The following PDE4D variants were observed in gnomAD, a reference collection of about 807,000 sequenced individuals.
PDE4D encodes the protein 3',5'-cyclic-AMP phosphodiesterase 4D.
Under a neutral mutation model 87.4 loss-of-function variants are expected in PDE4D, and 24 were observed. That is an observed-to-expected ratio of 0.27 (90% CI 0.20 to 0.39). PDE4D has a LOEUF of 0.39. Ranked by LOEUF, PDE4D falls within the 10% of genes least tolerant of loss-of-function variation. PDE4D has a pLI of 1.00. For missense variants in PDE4D, 714 were observed against 1,041.0 expected, an observed-to-expected ratio of 0.69 and a Z score of 4.32; for synonymous variants, 384 against 383.2, an observed-to-expected ratio of 1.00 and a Z score of -0.02.
chr5:59,900,016 G>T (rs936678520), intron 3 of PDE4D, among the ~76,000 whole-genome samples: 2 of 152,056 alleles, frequency 1.3e-5, no homozygotes, highest in African/African-American at 4.8e-5. Context: ...AAGGTGGGCG[G>T]ATCACTTGAT....
chr5:59,441,550 G>C (rs903130823), intron 1 of PDE4D, among the ~76,000 whole-genome samples: 3 of 152,162 alleles, frequency 2.0e-5, no homozygotes, highest in Non-Finnish European at 4.4e-5. Flanking sequence ...CTTCTGGACT[G>C]ATTGCTCCTT....
chr5:58,975,636 G>A lies in PDE4D; in HGVS notation c.2013+21C>T, dbSNP rs1743525430. On this transcript the variant is annotated intron_variant, in intron 14 of 14. Transcript: ENST00000340635. The surrounding 1 kb of genome is among the most constrained non-coding windows in gnomAD (Gnocchi z 4.2). Reference sequence around the variant, plus strand: ...AGCGGTAGCTCTGTTCTCTCTGAAAGCTATACACTTCATGCATTACCTGTG... The same window carrying A: ...AGCGGTAGCTCTGTTCTCTCTGAAAACTATACACTTCATGCATTACCTGTG... 1.9e-6 allele frequency: 3 copies of A among 1,547,742 alleles called. No homozygotes were observed. The highest frequency in any genetic ancestry group is 1.4e-5 in the African/African-American group (1 of 72,998).
chr5:59,056,329 T>A (rs1346535344), intron 5 of PDE4D, among the ~76,000 whole-genome samples: 1 of 152,118 alleles, frequency 6.6e-6, no homozygotes, highest in Non-Finnish European at 1.5e-5. Context: ...CTACAACCAC[T>A]GGAGCAAAGG....
rs141577390 is a variant in PDE4D at position 59,281,605 on chromosome 5, T to C, written c.456-65637A>G. Among the ~76,000 whole-genome samples the C allele has an allele frequency of 7.9e-5, 12 of 152,266 alleles. No homozygotes were observed. In the East Asian group the frequency reaches 1.9e-3, roughly 25 times the overall value. Reference sequence around the variant, plus strand: ...TTTTAACCCTTTCTAAGTATACTGATCAGTGGTGTAATGTATATTCCCCCT... The same window carrying C: ...TTTTAACCCTTTCTAAGTATACTGACCAGTGGTGTAATGTATATTCCCCCT... On this transcript the variant is annotated intron_variant, in intron 1 of 14. Transcript: ENST00000340635.
intron 1 of PDE4D, among the ~76,000 whole-genome samples, chr5:59,435,989 C>G (rs1008463407): frequency 6.6e-6 from 1 of 152,086 alleles, no homozygotes; most frequent in Admixed American, 6.6e-5. Flanking sequence ...CCTGGGCTAT[C>G]AGTTTCAGTT....
intron 1 of PDE4D, among the ~76,000 whole-genome samples, chr5:60,456,332 C>T (rs994006251): frequency 1.3e-5 from 2 of 152,200 alleles, no homozygotes; most frequent in Admixed American, 6.5e-5. Context: ...GCAAGTGACA[C>T]GAGGCAAGAG....
Position 59,762,854 on chromosome 5 carries a change from GATATATATAT to G in PDE4D, c.455+130304_455+130313del, listed in dbSNP as rs35979900. Among the ~76,000 whole-genome samples, 127 of 51,694 alleles carry G rather than the reference GATATATATAT, an allele frequency of 2.5e-3. 1 individual carries two copies. Among genetic ancestry groups the G allele is most frequent in the East Asian group, 0.011 (20 of 1,888 alleles). 33.9% of individuals were successfully genotyped at this position (51,694 alleles called of 152,430 possible). A position where few individuals can be genotyped will look rare whatever the true frequency, so the allele number is the denominator to read the frequency against. On this transcript the variant is annotated intron_variant, in intron 1 of 14. Coordinates refer to ENST00000340635, the MANE Select transcript of PDE4D (RefSeq NM_001104631.2). Reference sequence around the variant, plus strand: ...ACTAAAAAAGAGCAAACTGCTTAAGGATATATATATATATATATATATATATATATATATA... The same window carrying G: ...ACTAAAAAAGAGCAAACTGCTTAAGGATATATATATATATATATATATATA...
At chr5:59,777,305 A>T (rs1292436338) in intron 1 of PDE4D, among the ~76,000 whole-genome samples, 1 of 152,186 alleles carries the variant, frequency 6.6e-6, no homozygotes, top group African/African-American at 2.4e-5. Flanking sequence ...AATGTAAAAG[A>T]CATAACCTTA....
At chr5:59,189,255 T>G (rs1240665970) in intron 3 of PDE4D, among the ~76,000 whole-genome samples, 3 of 130,996 alleles carry the variant, frequency 2.3e-5, no homozygotes, top group Non-Finnish European at 3.4e-5. Flanking sequence ...TTTTTTTTGT[T>G]TTTTTTTTTT....
At chr5:59,114,669 G>A (rs972419640) in intron 5 of PDE4D, among the ~76,000 whole-genome samples, 1 of 152,040 alleles carries the variant, frequency 6.6e-6, no homozygotes, top group African/African-American at 2.4e-5. Flanking sequence ...AAGGAAGGGT[G>A]GGGGGAAAGG....
intron 5 of PDE4D, among the ~76,000 whole-genome samples, chr5:59,134,946 G>A (rs953216465): frequency 5.3e-5 from 8 of 152,136 alleles, no homozygotes; most frequent in East Asian, 1.9e-4. Context: ...CTGAGTTGGC[G>A]CCTCACAGGT....
chr5:60,208,663 G>A (rs1371675841), intron 1 of PDE4D, among the ~76,000 whole-genome samples: 1 of 152,156 alleles, frequency 6.6e-6, no homozygotes, highest in Non-Finnish European at 1.5e-5. Context: ...CCCAGCCTCA[G>A]AATCCTGTCT....
chr5:59,387,678 A>C (rs1429984737), intron 1 of PDE4D, among the ~76,000 whole-genome samples: 1 of 152,132 alleles, frequency 6.6e-6, no homozygotes, highest in African/African-American at 2.4e-5. Context: ...TTGACAAATA[A>C]GAATGTATAT....
chr5:60,128,554 A>T (rs1232716250), intron 2 of PDE4D, among the ~76,000 whole-genome samples: 1 of 152,250 alleles, frequency 6.6e-6, no homozygotes, highest in Admixed American at 6.5e-5. Flanking sequence ...ACAGGTGCAT[A>T]GGAAGAAACC....
chr5:59,821,049 T>C (rs1769585555), intron 1 of PDE4D, among the ~76,000 whole-genome samples: 1 of 152,106 alleles, frequency 6.6e-6, no homozygotes, highest in Non-Finnish European at 1.5e-5. Context: ...CTGGCCAACA[T>C]GGTGAAACCC....
chr5:59,374,458 A>G (rs1784402165), intron 1 of PDE4D, among the ~76,000 whole-genome samples: 1 of 152,194 alleles, frequency 6.6e-6, no homozygotes, highest in Admixed American at 6.5e-5. Flanking sequence ...AAAGGGTTCA[A>G]TTCAACAAGA....
intron 1 of PDE4D, among the ~76,000 whole-genome samples, chr5:59,687,034 A>T (rs990685363): frequency 7.2e-5 from 11 of 152,160 alleles, no homozygotes; most frequent in African/African-American, 2.7e-4. Context: ...AGAAGCAGCT[A>T]AGAGAGAAAT....
At chr5:60,279,576 G>A (rs1460701487) in intron 1 of PDE4D, among the ~76,000 whole-genome samples, 1 of 151,928 alleles carries the variant, frequency 6.6e-6, no homozygotes, top group African/African-American at 2.4e-5. Context: ...TAAAAGTTTT[G>A]TCTTGTTAGG....
At chr5:60,171,596 G>A (rs924137214) in intron 2 of PDE4D, among the ~76,000 whole-genome samples, 1 of 151,992 alleles carries the variant, frequency 6.6e-6, no homozygotes, top group African/African-American at 2.4e-5. Flanking sequence ...TTCCAGAAAG[G>A]ATTAAAACCT....
Sources: gnomAD v4.1 joint callset for allele counts (sites outside exome capture counted in the v4.1 genomes callset) on GRCh38, gnomAD v4.1.1 for gene constraint, Gnocchi (gnomAD v3.1) non-coding constraint, MANE v1.5 for transcripts, NCBI Gene and HGNC (gene_info 2026-07-23, HGNC 2026-07-21) for gene names.